ANHX: variants seen among roughly 807,000 people sequenced by gnomAD.
ANHX encodes the protein anomalous homeobox, also known as anomalous homeobox protein.
Under a neutral mutation model 38.9 loss-of-function variants are expected in ANHX, and 20 were observed. The ratio of observed to expected loss-of-function variants is 0.51; its 90% confidence interval spans 0.36 to 0.75. The LOEUF (loss-of-function observed/expected upper bound fraction) is 0.75, where lower values mean the gene tolerates loss of function less well. Among genes scored for constraint, ANHX ranks in the 30% least tolerant of loss-of-function variants. ANHX has a pLI of 0.00. For missense variants in ANHX, 475 were observed against 493.1 expected (o/e 0.96, Z 0.35); for synonymous variants, 185 against 203.1 (o/e 0.91, Z 0.76).
chr12:133,231,457 G>A (rs913288596), intron 3 of ANHX, 60 bp downstream of exon 3: 4 of 1,530,592 alleles, frequency 2.6e-6, no homozygotes, highest in South Asian at 1.2e-5. Context: ...GGCTTTGCAT[G>A]GTACATCTAA....
Position 133,221,456 on chromosome 12 carries a change from C to A in ANHX, c.1133-104G>T. Reference sequence around the variant, plus strand: ...GCACGGAGGCGGATGCAGCCTCCGGCCCAGCCAGCCCGCGCCACGTGAACC... The same window carrying A: ...GCACGGAGGCGGATGCAGCCTCCGGACCAGCCAGCCCGCGCCACGTGAACC... On this transcript the variant is annotated intron_variant, in intron 7 of 9. Coordinates refer to ENST00000545940, the MANE Select transcript of ANHX (RefSeq NM_001372060.1). This position sits in a 1 kb window ranked among gnomAD's most constrained non-coding sequence, Gnocchi z 4.1. 7.6e-7 allele frequency: 1 copy of A among 1,313,496 alleles called. No homozygotes were observed. Among genetic ancestry groups the A allele is most frequent in the South Asian group, 1.5e-5 (1 of 66,130 alleles). 81.4% of individuals were successfully genotyped at this position (1,313,496 alleles called of 1,614,324 possible).
chr12:133,229,739 T>C (rs1489025581), intron 3 of ANHX, among the ~76,000 whole-genome samples: 1 of 152,204 alleles, frequency 6.6e-6, no homozygotes, highest in Non-Finnish European at 1.5e-5. Flanking sequence ...ACCATCAGCA[T>C]GGTCATAACC....
At chr12:133,231,717 C>T in intron 2 of ANHX, 73 bp from the exon 3 acceptor site, 2 of 1,507,966 alleles carry the variant, frequency 1.3e-6, no homozygotes, top group Middle Eastern at 1.9e-4. Flanking sequence ...CATCTGCCAT[C>T]CCAAACCGAC....
At position 133,221,411 on chromosome 12, in the gene ANHX, G is replaced by A; in HGVS notation, c.1133-59C>T. On this transcript the variant is annotated intron_variant, in intron 7 of 9. Coordinates refer to ENST00000545940, the MANE Select transcript of ANHX (RefSeq NM_001372060.1). This position sits in a 1 kb window ranked among gnomAD's most constrained non-coding sequence, Gnocchi z 4.1. ...GGAGAAAGGAGCAGAGCCCACGTGT[G>A]ACACAACCAAGACCTCAAAGCACGG... The A allele has an allele frequency of 6.7e-7, 1 of 1,490,220 alleles. No homozygotes were observed. Among genetic ancestry groups the A allele is most frequent in the South Asian group, 1.3e-5 (1 of 77,262 alleles). 92.3% of individuals were successfully genotyped at this position (1,490,220 alleles called of 1,614,324 possible). A position where few individuals can be genotyped will look rare whatever the true frequency, so the allele number is the denominator to read the frequency against.
At position 133,226,431 on chromosome 12, in the gene ANHX, ACGT is replaced by A; in HGVS notation, c.723_725del (p.Glu241_Arg242delinsAsp). 1 of 1,533,874 alleles carries A rather than the reference ACGT, an allele frequency of 6.5e-7. No homozygotes were observed. Among genetic ancestry groups the A allele is most frequent in the East Asian group, 2.4e-5 (1 of 40,866 alleles). ...GGGACTGTGGAGGCCCCTTTTCCTC[ACGT>A]TCCTCTGAAAGTGATGAGATGGGAG... On this transcript the variant is annotated inframe_deletion, in exon 6 of 10. Transcript: ENST00000545940.
At chr12:133,232,526 T>C (rs1158914901) in intron 2 of ANHX, among the ~76,000 whole-genome samples, 1 of 152,170 alleles carries the variant, frequency 6.6e-6, no homozygotes, top group East Asian at 1.9e-4. Context: ...TCAGGGAACC[T>C]GCATGGGAAC....
chr12:133,229,350 G>A (rs560892857), intron 3 of ANHX, among the ~76,000 whole-genome samples: 21 of 152,168 alleles, frequency 1.4e-4, no homozygotes, highest in Non-Finnish European at 2.4e-4. Context: ...TCATCCCAGT[G>A]CCTACTTGGA....
At chr12:133,230,764 T>A (rs1289096799) in intron 3 of ANHX, among the ~76,000 whole-genome samples, 1 of 12,224 alleles carries the variant, frequency 8.2e-5, no homozygotes, top group Non-Finnish European at 1.2e-4. Flanking sequence ...CTGTCTCAAT[T>A]TTTTTTTTAA....
intron 1 of ANHX, chr12:133,234,646 C>T: frequency 2.4e-6 from 1 of 417,572 alleles, no homozygotes; most frequent in South Asian, 2.4e-5. Flanking sequence ...TGCAACAGCT[C>T]CTCCACTGCT....
In ANHX at chr12:133,221,615, G is replaced by A. The variant is rs980936517; in HGVS notation, c.1133-263C>T. ...GCTGACTTTAAATGCTGCTGTCATC[G>A]CAGACCTCATGTGCCCTCGGTGCCA... On this transcript the variant is annotated intron_variant, in intron 7 of 9. Transcript: ENST00000545940. The surrounding 1 kb of genome is among the most constrained non-coding windows in gnomAD (Gnocchi z 4.1). Among the ~76,000 whole-genome samples, 4 of 152,096 alleles carry A rather than the reference G, an allele frequency of 2.6e-5. No individual in the cohort carries two copies. The highest frequency in any genetic ancestry group is 5.9e-5 in the Non-Finnish European group (4 of 68,020).
intron 4 of ANHX, 122 bp from the exon 5 acceptor site, chr12:133,227,274 C>A: frequency 4.7e-6 from 5 of 1,066,394 alleles, no homozygotes; most frequent in Non-Finnish European, 6.6e-6. Flanking sequence ...CCTAACCTCT[C>A]CAAGGACAGC....
At position 133,224,524 on chromosome 12, in the gene ANHX, G is replaced by A. The variant is rs1593959640; in HGVS notation, c.1132+1012C>T. Among the ~76,000 whole-genome samples the A allele has an allele frequency of 2.0e-5, 3 of 151,740 alleles. No individual in the cohort carries two copies. The South Asian group carries it at 6.2e-4, about 31-fold the overall frequency. ...TGAAAATACAAAAAATTAGCCGGGC[G>A]TGGTGGCAGGTGCCTGTAGTTCTAC... is the stretch of plus-strand genomic sequence containing the variant. On this transcript the variant is annotated intron_variant, in intron 7 of 9. Coordinates refer to ENST00000545940, the MANE Select transcript of ANHX (RefSeq NM_001372060.1).
At position 133,230,829 on chromosome 12, in the gene ANHX, G is replaced by A. The variant is rs924448775; in HGVS notation, c.377+688C>T. Among the ~76,000 whole-genome samples, 19 of 152,156 alleles carry A rather than the reference G, an allele frequency of 1.2e-4. 1 individual carries two copies. Among genetic ancestry groups the A allele is most frequent in the African/African-American group, 1.9e-4 (8 of 41,496 alleles). On this transcript the variant is annotated intron_variant, in intron 3 of 9. Coordinates refer to ENST00000545940, the MANE Select transcript of ANHX (RefSeq NM_001372060.1). ...CGTCCTGGCTTTGCAACTCTCTCTCGTGTGGAACCTCAGGTTACCCTTTCT... is the reference window on the plus strand; with the variant it reads ...CGTCCTGGCTTTGCAACTCTCTCTCATGTGGAACCTCAGGTTACCCTTTCT...
In ANHX at chr12:133,221,381, T is replaced by C. The variant is rs1266375177; in HGVS notation, c.1133-29A>G. 2 of 1,524,374 alleles carry C rather than the reference T, an allele frequency of 1.3e-6. No homozygotes were observed. Among genetic ancestry groups the C allele is most frequent in the Non-Finnish European group, 8.8e-7 (1 of 1,140,538 alleles). 94.4% of individuals were successfully genotyped at this position (1,524,374 alleles called of 1,614,324 possible). A position where few individuals can be genotyped will look rare whatever the true frequency, so the allele number is the denominator to read the frequency against. The stretch of plus-strand genomic sequence containing the variant: ...CATGTAATGAGATTCCACGGCACAC[T>C]GGCAGGAGAAAGGAGCAGAGCCCAC... On this transcript the variant is annotated intron_variant, in intron 7 of 9. Transcript: ENST00000545940. The surrounding 1 kb of genome is among the most constrained non-coding windows in gnomAD (Gnocchi z 4.1).
chr12:133,222,266 G>A (rs1957118065), intron 7 of ANHX, among the ~76,000 whole-genome samples: 1 of 152,160 alleles, frequency 6.6e-6, no homozygotes, highest in South Asian at 2.1e-4. Flanking sequence ...AAGAGAAAGG[G>A]AAAGCCATGA....
At chr12:133,222,271 C>A (rs1354880785) in intron 7 of ANHX, among the ~76,000 whole-genome samples, 2 of 152,172 alleles carry the variant, frequency 1.3e-5, no homozygotes, top group Non-Finnish European at 2.9e-5. Context: ...AAAGGGAAAG[C>A]CATGAGCACA....
At chr12:133,229,600 A>G (rs907814959) in intron 3 of ANHX, among the ~76,000 whole-genome samples, 1 of 151,258 alleles carries the variant, frequency 6.6e-6, no homozygotes, top group African/African-American at 2.4e-5. Flanking sequence ...AACACTCTCC[A>G]CTTTCCCCAG....
At position 133,219,394 on chromosome 12, in the gene ANHX, G is replaced by T. The variant is rs1040454117; in HGVS notation, c.1281-27C>A. The T allele has an allele frequency of 5.5e-6, 8 of 1,461,350 alleles. No homozygotes were observed. In the African/African-American group the frequency reaches 1.1e-4, roughly 21 times the overall value. The allele number at this position is 1,461,350 out of a possible 1,614,324, so 90.5% of individuals were successfully genotyped here. On this transcript the variant is annotated intron_variant, in intron 8 of 9. Transcript: ENST00000545940. ...TGGAAAAGAGACAGTGTAAGAATAG[G>T]CCCTATCTCAAGGGGACACTGGGGT...
At chr12:133,234,066 T>G in intron 2 of ANHX, 42 bp downstream of exon 2, 1 of 1,522,430 alleles carries the variant, frequency 6.6e-7, no homozygotes, top group Non-Finnish European at 8.8e-7. Flanking sequence ...CTAAAGAAGT[T>G]GCTACCTCTC....
Sources: gnomAD v4.1 joint callset for allele counts (sites outside exome capture counted in the v4.1 genomes callset) on GRCh38, gnomAD v4.1.1 for gene constraint, Gnocchi (gnomAD v3.1) non-coding constraint, MANE v1.5 for transcripts, NCBI Gene and HGNC (gene_info 2026-07-23, HGNC 2026-07-21) for gene names.